GRM8: variants seen among roughly 807,000 people sequenced by gnomAD.
GRM8 encodes the protein glutamate metabotropic receptor 8.
Under a neutral mutation model 87.2 loss-of-function variants are expected in GRM8, and 47 were observed. The ratio of observed to expected loss-of-function variants is 0.54; its 90% confidence interval spans 0.43 to 0.69. The LOEUF is 0.69. Among genes scored for constraint, GRM8 ranks in the 30% least tolerant of loss-of-function variants. The pLI is 0.00. For synonymous variants in GRM8, 396 were observed against 404.5 expected, an observed-to-expected ratio of 0.98 and a Z score of 0.25; for missense variants, 1,019 against 1,139.2, an observed-to-expected ratio of 0.89 and a Z score of 1.52.
intron 9 of GRM8, among the ~76,000 whole-genome samples, chr7:126,507,021 C>G (rs1810580655): frequency 2.0e-5 from 3 of 152,054 alleles, no homozygotes; most frequent in Admixed American, 2.0e-4. Flanking sequence ...TAAAGAGGCT[C>G]TCAATGAAGC....
intron 9 of GRM8, among the ~76,000 whole-genome samples, chr7:126,462,311 G>C (rs984288802): frequency 6.6e-6 from 1 of 151,308 alleles, no homozygotes; most frequent in African/African-American, 2.4e-5. Flanking sequence ...TATATATTAT[G>C]GTGTTAAAAA....
At chr7:126,815,558 G>C (rs1341224276) in intron 6 of GRM8, among the ~76,000 whole-genome samples, 2 of 152,056 alleles carry the variant, frequency 1.3e-5, no homozygotes, top group African/African-American at 2.4e-5. Context: ...GGTGGAATCT[G>C]TGCCAATAGT....
chr7:127,060,045 A>G (rs2132574950), intron 3 of GRM8, among the ~76,000 whole-genome samples: 1 of 152,350 alleles, frequency 6.6e-6, no homozygotes, highest in South Asian at 2.1e-4. Flanking sequence ...CATTTTCTAC[A>G]GCTACCATAA....
At chr7:126,515,476 A>G (rs1812034279) in intron 9 of GRM8, among the ~76,000 whole-genome samples, 1 of 152,090 alleles carries the variant, frequency 6.6e-6, no homozygotes, top group South Asian at 2.1e-4. Context: ...TTGCTGTTAT[A>G]ACAAAATTAC....
At chr7:126,900,648 T>C (rs1182848808) in intron 6 of GRM8, among the ~76,000 whole-genome samples, 3 of 119,910 alleles carry the variant, frequency 2.5e-5, no homozygotes, top group Non-Finnish European at 5.1e-5. Flanking sequence ...TAGCTGGGAC[T>C]ACAGGCGCCC....
At chr7:126,772,785 T>A (rs1220381909) in intron 6 of GRM8, among the ~76,000 whole-genome samples, 1 of 152,060 alleles carries the variant, frequency 6.6e-6, no homozygotes, top group African/African-American at 2.4e-5. Flanking sequence ...TTCCACCATG[T>A]CCTTAGACAC....
chr7:127,106,763 G>T, intron 2 of GRM8, 51 bp from the exon 3 acceptor site: 1 of 1,305,510 alleles, frequency 7.7e-7, no homozygotes, highest in Non-Finnish European at 1.1e-6. Context: ...CTTGAAGAAT[G>T]ATGGATTGTC....
chr7:126,772,019 G>A (rs935235770), intron 6 of GRM8, among the ~76,000 whole-genome samples: 1 of 152,054 alleles, frequency 6.6e-6, no homozygotes, highest in Non-Finnish European at 1.5e-5. Flanking sequence ...AGTTTCCTGT[G>A]AAAACAACCC....
At chr7:127,210,986 C>A (rs959920663) in intron 2 of GRM8, among the ~76,000 whole-genome samples, 9 of 152,126 alleles carry the variant, frequency 5.9e-5, no homozygotes, top group Non-Finnish European at 7.4e-5. Flanking sequence ...TATGGTAGAA[C>A]CTTCTAGAAC....
In GRM8 at chr7:126,525,596, T is replaced by C. The variant is rs182502033; in HGVS notation, c.2430+7356A>G. Among the ~76,000 whole-genome samples, 9 of 152,334 alleles carry C rather than the reference T, an allele frequency of 5.9e-5. No individual in the cohort carries two copies. In the East Asian group the frequency reaches 1.5e-3, roughly 26 times the overall value. ...AGGTTTGGAAATTATTTGGGACTTT[T>C]ATAGTAAGAACCACTTATGCATCTT... is the stretch of plus-strand genomic sequence containing the variant. On this transcript the variant is annotated intron_variant, in intron 9 of 10. Transcript: ENST00000339582.
chr7:126,998,536 C>T (rs1813403128), intron 3 of GRM8, among the ~76,000 whole-genome samples: 1 of 151,696 alleles, frequency 6.6e-6, no homozygotes, highest in African/African-American at 2.4e-5. Context: ...AAACACTTCA[C>T]CATAAAACTG....
At chr7:126,842,661 G>A (rs1369155866) in intron 6 of GRM8, among the ~76,000 whole-genome samples, 2 of 152,176 alleles carry the variant, frequency 1.3e-5, no homozygotes, top group Admixed American at 1.3e-4. Flanking sequence ...GGAAGAGGGA[G>A]GCAGAAGAGC....
At chr7:127,063,985 G>T (rs1038000869) in intron 3 of GRM8, among the ~76,000 whole-genome samples, 1 of 152,192 alleles carries the variant, frequency 6.6e-6, no homozygotes, top group African/African-American at 2.4e-5. Flanking sequence ...TATTGTCTGA[G>T]AGTGTGTTTG....
chr7:126,930,951 C>A (rs1388808866), intron 3 of GRM8, among the ~76,000 whole-genome samples: 3 of 152,160 alleles, frequency 2.0e-5, no homozygotes, highest in Non-Finnish European at 4.4e-5. Context: ...TCTGCTTCCA[C>A]CTCTCTCCAG....
intron 7 of GRM8, among the ~76,000 whole-genome samples, chr7:126,711,076 G>A (rs745994592): frequency 6.6e-6 from 1 of 152,220 alleles, no homozygotes; most frequent in African/African-American, 2.4e-5. Flanking sequence ...TCAGGAGGCT[G>A]AGGCATGAGA....
intron 7 of GRM8, among the ~76,000 whole-genome samples, chr7:126,661,013 G>A (rs1805103559): frequency 6.6e-6 from 1 of 152,182 alleles, no homozygotes; most frequent in South Asian, 2.1e-4. Context: ...AGGGTAGTAA[G>A]AGAGATGGCA....
At chr7:127,111,889 A>T (rs1826378815) in intron 2 of GRM8, among the ~76,000 whole-genome samples, 1 of 152,060 alleles carries the variant, frequency 6.6e-6, no homozygotes. Context: ...TTAGCCAGGC[A>T]TAGTGGTGGG....
intron 7 of GRM8, among the ~76,000 whole-genome samples, chr7:126,692,091 G>A (rs1383390669): frequency 2.6e-5 from 4 of 152,184 alleles, no homozygotes; most frequent in Non-Finnish European, 5.9e-5. Flanking sequence ...AAGAGAACTG[G>A]AGGGGAAAGC....
At chr7:126,498,023 C>A (rs1050309085) in intron 9 of GRM8, among the ~76,000 whole-genome samples, 7 of 151,850 alleles carry the variant, frequency 4.6e-5, no homozygotes. Context: ...AATCCCTTGA[C>A]CCTGAAATAT....
Sources: gnomAD v4.1 joint callset for allele counts (sites outside exome capture counted in the v4.1 genomes callset) on GRCh38, gnomAD v4.1.1 for gene constraint, MANE v1.5 for transcripts, NCBI Gene and HGNC (gene_info 2026-07-23, HGNC 2026-07-21) for gene names.